The following FTO variants were observed in gnomAD, a reference collection of about 807,000 sequenced individuals.
The protein encoded by FTO is alpha-ketoglutarate-dependent dioxygenase FTO.
A neutral mutation model predicts 63.9 loss-of-function variants in FTO; 47 were observed. The ratio of observed to expected loss-of-function variants is 0.74; its 90% confidence interval spans 0.58 to 0.94. The LOEUF is 0.94. FTO is among the 40% of genes least tolerant of loss of function. FTO has a pLI of 0.00. For synonymous variants in FTO, 207 were observed against 224.4 expected (o/e 0.92, Z 0.69); for missense variants, 562 against 618.1 (o/e 0.91, Z 0.96).
At position 53,924,691 on chromosome 16, in the gene FTO, C is replaced by G. The variant is rs116383266; in HGVS notation, c.1240-9294C>G. 8.6e-3 allele frequency among the ~76,000 whole-genome samples: 1,315 copies of G among 152,236 alleles called. 24 individuals carry two copies. Among genetic ancestry groups the G allele is most frequent in the African/African-American group, 0.031 (1,270 of 41,512 alleles). On this transcript the variant is annotated intron_variant, in intron 7 of 8. Coordinates refer to ENST00000471389, the MANE Select transcript of FTO (RefSeq NM_001080432.3). ...ACCCAGTGGTGACTTGGTGTTATCT[C>G]TTAGCCGAGGTCATCCAGGATGCGT...
chr16:53,958,353 T>C (rs1363631610), intron 8 of FTO, among the ~76,000 whole-genome samples: 1 of 152,204 alleles, frequency 6.6e-6, no homozygotes, highest in Non-Finnish European at 1.5e-5. Context: ...ATTGTGCCTC[T>C]TCCTGGGTTG....
chr16:54,024,392 T>A (rs1251150209), intron 8 of FTO, among the ~76,000 whole-genome samples: 1 of 149,798 alleles, frequency 6.7e-6, no homozygotes, highest in African/African-American at 2.4e-5. Flanking sequence ...CCCAGCTAAT[T>A]TTTTTTTTTG....
At chr16:54,059,261 C>T (rs1467776100) in intron 8 of FTO, among the ~76,000 whole-genome samples, 6 of 152,156 alleles carry the variant, frequency 3.9e-5, no homozygotes, top group Admixed American at 2.6e-4. Context: ...TTGCATTTCC[C>T]GACAATTGTA....
chr16:53,935,193 C>T (rs2082361243), intron 8 of FTO, among the ~76,000 whole-genome samples: 1 of 152,170 alleles, frequency 6.6e-6, no homozygotes, highest in African/African-American at 2.4e-5. Context: ...CATATTTTGT[C>T]TCAGAGTCTT....
At chr16:53,867,846 A>T (rs1266019128) in intron 4 of FTO, among the ~76,000 whole-genome samples, 1 of 152,042 alleles carries the variant, frequency 6.6e-6, no homozygotes, top group Non-Finnish European at 1.5e-5. Context: ...TTGCAGTTCT[A>T]TCAGTTTTTG....
chr16:53,815,639 T>G (rs936542260), intron 2 of FTO, among the ~76,000 whole-genome samples: 6 of 28,968 alleles, frequency 2.1e-4, no homozygotes, highest in African/African-American at 6.5e-4. Context: ...CTTTCTTGTT[T>G]TTTTTTTTTT....
chr16:53,844,182 C>G lies in FTO; in HGVS notation c.779C>G (p.Ser260Cys), dbSNP rs76762929. The change falls in exon 4 of 9, where the codon TCT becomes TGT. Residue 260 changes from serine to cysteine, a missense_variant. Ser to Cys is a moderately radical substitution (Grantham distance 112). Transcript: ENST00000471389. The part of the protein sequence containing the change: ...EGPEEESEDD[S>C]HLEGRDPDIW... ...CCTGAAGAGGAAAGTGAGGATGACT[C>G]TCATCTCGAAGGCAGGGATCCTGAT... is the stretch of plus-strand genomic sequence containing the variant. The G allele has an allele frequency of 2.5e-6, 4 of 1,613,798 alleles. No homozygotes were observed. Among genetic ancestry groups the G allele is most frequent in the African/African-American group, 1.3e-5 (1 of 75,032 alleles).
intron 8 of FTO, among the ~76,000 whole-genome samples, chr16:54,011,554 G>C (rs1450232327): frequency 1.4e-5 from 2 of 147,096 alleles, no homozygotes; most frequent in African/African-American, 2.4e-5. Flanking sequence ...TTTTGGAGAT[G>C]GTATGTCTTT....
In FTO at chr16:53,706,349, A is replaced by G. The variant is rs529261610; in HGVS notation, c.45+2120A>G. Among the ~76,000 whole-genome samples, 5 of 152,254 alleles carry G rather than the reference A, an allele frequency of 3.3e-5. No homozygotes were observed. In the South Asian group the frequency reaches 1.0e-3, roughly 32 times the overall value. On this transcript the variant is annotated intron_variant, in intron 1 of 8. Transcript: ENST00000471389. ...TGTACAATTTGATGCCTTTTGACAA[A>G]TGTATATACCTGCAAAACCACCACA...
At chr16:53,812,527 A>C (rs1215172197) in intron 2 of FTO, among the ~76,000 whole-genome samples, 1 of 152,162 alleles carries the variant, frequency 6.6e-6, no homozygotes, top group African/African-American at 2.4e-5. Flanking sequence ...ATCTCACTTA[A>C]TTGTAATGAA....
intron 1 of FTO, among the ~76,000 whole-genome samples, chr16:53,738,848 A>T (rs578049637): frequency 5.4e-4 from 81 of 150,448 alleles, no homozygotes; most frequent in Non-Finnish European, 5.5e-4. Context: ...TTTAAAAAAA[A>T]TTTTTTTTTT....
chr16:54,017,939 A>G (rs1309586430), intron 8 of FTO, among the ~76,000 whole-genome samples: 2 of 152,112 alleles, frequency 1.3e-5, no homozygotes, highest in African/African-American at 4.8e-5. Context: ...TTGGAAAAGA[A>G]AGCAGGAAAA....
At chr16:53,983,757 A>T (rs370756240) in intron 8 of FTO, among the ~76,000 whole-genome samples, 46 of 152,288 alleles carry the variant, frequency 3.0e-4, no homozygotes, top group African/African-American at 9.6e-4. Flanking sequence ...GTCTAAGAGG[A>T]CAACCAGCAC....
chr16:53,783,878 A>G (rs961011934), intron 1 of FTO, among the ~76,000 whole-genome samples: 2 of 151,984 alleles, frequency 1.3e-5, no homozygotes, highest in African/African-American at 4.8e-5. Context: ...CTGATTTCTG[A>G]TGACATTTAA....
chr16:54,088,311 T>TATTTA (rs1167762489), intron 8 of FTO, among the ~76,000 whole-genome samples: 7 of 152,204 alleles, frequency 4.6e-5, no homozygotes, highest in African/African-American at 1.2e-4. Context: ...CATATCAATC[T>TATTTA]ATTCTTTCAG....
chr16:53,872,871 A>T (rs1467624786), intron 4 of FTO, among the ~76,000 whole-genome samples: 2 of 152,158 alleles, frequency 1.3e-5, no homozygotes, highest in African/African-American at 4.8e-5. Context: ...TTTGTAATAG[A>T]GGAAGTCATG....
At chr16:53,860,900 A>T (rs1349043251) in intron 4 of FTO, among the ~76,000 whole-genome samples, 1 of 151,906 alleles carries the variant, frequency 6.6e-6, no homozygotes, top group African/African-American at 2.4e-5. Flanking sequence ...ACACACACAC[A>T]CACACACACA....
chr16:53,801,214 G>T (rs2078210489), intron 1 of FTO, among the ~76,000 whole-genome samples: 1 of 147,936 alleles, frequency 6.8e-6, no homozygotes, highest in Admixed American at 6.7e-5. Flanking sequence ...TATCTCTTTT[G>T]TTGGCTTATT....
At chr16:54,085,492 A>G in intron 8 of FTO, among the ~76,000 whole-genome samples, 1 of 152,148 alleles carries the variant, frequency 6.6e-6, no homozygotes, top group South Asian at 2.1e-4. Context: ...CATGCCCTCC[A>G]TGGCCAAAAT....
Sources: allele counts gnomAD v4.1 joint callset (sites outside exome capture counted in the v4.1 genomes callset), GRCh38; gene constraint gnomAD v4.1.1; transcripts MANE v1.5; gene names NCBI Gene and HGNC (gene_info 2026-07-23, HGNC 2026-07-21).